AMDHD2: variants seen among roughly 807,000 people sequenced by gnomAD.
The protein encoded by AMDHD2 is amidohydrolase domain containing 2, also known as N-acetylglucosamine-6-phosphate deacetylase.
AMDHD2 carries 24 observed loss-of-function variants against 41.8 expected under a neutral mutation model. The observed-to-expected ratio is 0.57, with a 90% CI of 0.42 to 0.81. The LOEUF (loss-of-function observed/expected upper bound fraction) is 0.81. Ranked by LOEUF, AMDHD2 falls within the 30% of genes least tolerant of loss-of-function variation. The pLI, the probability that AMDHD2 is intolerant of heterozygous loss-of-function variation, is 0.00. For missense variants in AMDHD2, 540 were observed against 588.5 expected (o/e 0.92, Z 0.85); for synonymous variants, 332 against 255.5 (o/e 1.30, Z -2.85).
In AMDHD2 at chr16:2,530,633, T is replaced by C. The variant is rs2066078428; in HGVS notation, c.*1070T>C. 1.2e-6 allele frequency: 2 copies of C among 1,614,082 alleles called. No individual in the cohort carries two copies. The highest frequency in any genetic ancestry group is 1.1e-5 in the South Asian group (1 of 91,094). On this transcript the variant is annotated 3_prime_UTR_variant, in exon 11 of 11. Coordinates refer to ENST00000293971, the MANE Select transcript of AMDHD2 (RefSeq NM_001330449.2). ...CGCGCCTGGCTCTGCCACTGTTCTC[T>C]TCCCTCTGCTGCAAAGCCCAGTTAA...
Position 2,530,334 on chromosome 16 carries a change from C to G in AMDHD2, c.*771C>G. 1 of 1,614,154 alleles carries G rather than the reference C, an allele frequency of 6.2e-7. No homozygotes were observed. Among genetic ancestry groups the G allele is most frequent in the Non-Finnish European group, 8.5e-7 (1 of 1,180,014 alleles). On this transcript the variant is annotated 3_prime_UTR_variant, in exon 11 of 11. Coordinates refer to ENST00000293971, the MANE Select transcript of AMDHD2 (RefSeq NM_001330449.2). ...GGAGGCACCAGTGTGCCCTGCTCAC[C>G]CCATTAGTGTCATCCTGCCATCTTC...
Position 2,530,512 on chromosome 16 carries a change from C to T in AMDHD2, c.*949C>T. On this transcript the variant is annotated 3_prime_UTR_variant, in exon 11 of 11. Coordinates refer to ENST00000293971, the MANE Select transcript of AMDHD2 (RefSeq NM_001330449.2). ...GTCAGGGATTGGTGCAGCCCCACGT[C>T]AGGGGTGATTGTCTTGACTTTCTCT... 6.2e-7 allele frequency: 1 copy of T among 1,614,188 alleles called. No homozygotes were observed. Among genetic ancestry groups the T allele is most frequent in the Middle Eastern group, 1.6e-4 (1 of 6,062 alleles).
intron 9 of AMDHD2, 124 bp from the exon 10 acceptor site, chr16:2,528,870 G>C: frequency 6.7e-7 from 1 of 1,484,892 alleles, no homozygotes; most frequent in Non-Finnish European, 9.1e-7. Context: ...GTGACAGGCA[G>C]ACCAGCAGGG....
chr16:2,526,407 C>G (rs554776698), intron 3 of AMDHD2, among the ~76,000 whole-genome samples: 31 of 152,286 alleles, frequency 2.0e-4, no homozygotes, highest in Admixed American at 1.8e-3. Context: ...CCTTGCCAAT[C>G]TGCTCTACTT....
Position 2,520,977 on chromosome 16 carries a change from G to T in AMDHD2, c.221-7G>T. ...TCCATGCGACACTTCCTTTTCTGTG[G>T]CTGCAGGTGGATTTGGTGTTGACTT... On this transcript the variant is annotated splice_polypyrimidine_tract_variant and splice_region_variant and intron_variant, in intron 2 of 10. Transcript: ENST00000293971. 1 of 1,598,438 alleles carries T rather than the reference G, an allele frequency of 6.3e-7. No individual in the cohort carries two copies. Among genetic ancestry groups the T allele is most frequent in the South Asian group, 1.1e-5 (1 of 89,710 alleles).
At position 2,527,486 on chromosome 16, in the gene AMDHD2, C is replaced by A. The variant is rs1171408491; in HGVS notation, c.361-75C>A. ...TGGGCTCTGAACTCTGACCTGAGAT[C>A]TCTGGCCTTGGCTAGGCTGTGGCCT... On this transcript the variant is annotated intron_variant, in intron 3 of 10. Coordinates refer to ENST00000293971, the MANE Select transcript of AMDHD2 (RefSeq NM_001330449.2). This position sits in a 1 kb window ranked among gnomAD's most constrained non-coding sequence, Gnocchi z 6.1. 1.3e-6 allele frequency: 2 copies of A among 1,525,978 alleles called. No individual in the cohort carries two copies. Among genetic ancestry groups the A allele is most frequent in the African/African-American group, 1.4e-5 (1 of 73,440 alleles). The allele number at this position is 1,525,978 out of a possible 1,614,324, so 94.5% of individuals were successfully genotyped here.
In AMDHD2 at chr16:2,521,272, C is replaced by G. The variant is rs2065933246; in HGVS notation, c.360+149C>G. ...TTGATGACCGGATCTGGGCCTGGGTCCCGCCCCTGTGCTTCTTTATCAGTT... is the reference window on the plus strand; with the variant it reads ...TTGATGACCGGATCTGGGCCTGGGTGCCGCCCCTGTGCTTCTTTATCAGTT... On this transcript the variant is annotated intron_variant, in intron 3 of 10. Coordinates refer to ENST00000293971, the MANE Select transcript of AMDHD2 (RefSeq NM_001330449.2). 5 of 1,114,302 alleles carry G rather than the reference C, an allele frequency of 4.5e-6. No individual in the cohort carries two copies. In the South Asian group the frequency reaches 7.1e-5, roughly 16 times the overall value. 69.0% of individuals were successfully genotyped at this position (1,114,302 alleles called of 1,614,324 possible).
Position 2,531,223 on chromosome 16 carries a change from A to T in AMDHD2, c.*1660A>T, listed in dbSNP as rs1413141795. ...CACCTCCCTGGCTGGAGGGTCGGGGAGGGGCTGGCAGAGATGGTTGGTCCA... is the reference window on the plus strand; with the variant it reads ...CACCTCCCTGGCTGGAGGGTCGGGGTGGGGCTGGCAGAGATGGTTGGTCCA... On this transcript the variant is annotated 3_prime_UTR_variant, in exon 11 of 11. Transcript: ENST00000293971. The T allele has an allele frequency of 2.0e-6, 2 of 1,023,798 alleles. No homozygotes were observed. Among genetic ancestry groups the T allele is most frequent in the Non-Finnish European group, 2.8e-6 (2 of 710,268 alleles). The allele number at this position is 1,023,798 out of a possible 1,614,324, so 63.4% of individuals were successfully genotyped here.
Position 2,527,974 on chromosome 16 carries a change from G to C in AMDHD2, c.617G>C (p.Cys206Ser). ...VIRALTARGI[C>S]VSLGHSVADL... ...CGGGCGCTGACGGCCCGTGGCATCT[G>C]CGTGTCCCTAGGTGAGGGGCCGGCT... Residue 206 changes from cysteine to serine, a missense_variant, in exon 5 of 11, where the codon TGC becomes TCC. Coordinates refer to ENST00000293971, the MANE Select transcript of AMDHD2 (RefSeq NM_001330449.2). The surrounding 1 kb of genome is among the most constrained non-coding windows in gnomAD (Gnocchi z 6.1). The C allele has an allele frequency of 5.0e-6, 8 of 1,605,248 alleles. No homozygotes were observed. The highest frequency in any genetic ancestry group is 6.8e-6 in the Non-Finnish European group (8 of 1,178,810).
rs776652437 is a variant in AMDHD2 at position 2,530,565 on chromosome 16, C to T, written c.*1002C>T. ...ATTTGAGTTCTGGGGTGGGTGGCTCCCTTCCCCCTTGCTTACAGGTGCTGT... is the reference window on the plus strand; with the variant it reads ...ATTTGAGTTCTGGGGTGGGTGGCTCTCTTCCCCCTTGCTTACAGGTGCTGT... On this transcript the variant is annotated 3_prime_UTR_variant, in exon 11 of 11. Transcript: ENST00000293971. The T allele has an allele frequency of 8.7e-6, 14 of 1,614,192 alleles. No homozygotes were observed. The highest frequency in any genetic ancestry group is 1.2e-5 in the Non-Finnish European group (14 of 1,180,020).
Position 2,520,464 on chromosome 16 carries a change from C to T in AMDHD2, c.6C>T (p.Arg2=). 8.1e-7 allele frequency: 1 copy of T among 1,236,838 alleles called. No homozygotes were observed. The highest frequency in any genetic ancestry group is 1.6e-5 in the African/African-American group (1 of 63,892). 76.6% of individuals were successfully genotyped at this position (1,236,838 alleles called of 1,614,324 possible). The change falls in exon 1 of 11, where the codon CGC becomes CGT. Residue 2 remains arginine, a synonymous_variant. Coordinates refer to ENST00000293971, the MANE Select transcript of AMDHD2 (RefSeq NM_001330449.2). ...CGCTCCCGACACGGCTCACGATGCG[C>T]GGCGAGCAGGGCGCGGCGGGGGCCC... M[R]GEQGAAGARV...
At chr16:2,526,248 T>C (rs1007729272) in intron 3 of AMDHD2, among the ~76,000 whole-genome samples, 1 of 152,134 alleles carries the variant, frequency 6.6e-6, no homozygotes, top group African/African-American at 2.4e-5. Context: ...GGGGTACTCG[T>C]AGGTTGGGGT....
chr16:2,528,751 G>A, intron 9 of AMDHD2, 33 bp downstream of exon 9: 1 of 1,606,998 alleles, frequency 6.2e-7, no homozygotes, highest in Non-Finnish European at 8.5e-7. Flanking sequence ...GGTTTAGGTG[G>A]TCTGTGAGTG....
rs201110569 is a variant in AMDHD2 at position 2,521,045 on chromosome 16, G to A, written c.282G>A (p.Val94=). Residue 94 remains valine (V), a synonymous_variant, in exon 3 of 11, where the codon GTG becomes GTA. Transcript: ENST00000293971. ...ACGTGGGTTCGGGGGTTGCCCTCGT[G>A]GCCCGGAGGATCCTGTCGCACGGCG... ...TEDVGSGVAL[V]ARRILSHGVT... The A allele has an allele frequency of 1.2e-6, 2 of 1,611,310 alleles. No homozygotes were observed. The highest frequency in any genetic ancestry group is 2.2e-5 in the East Asian group (1 of 44,690).
At position 2,529,894 on chromosome 16, in the gene AMDHD2, G is replaced by A; in HGVS notation, c.*331G>A. 2 of 1,122,388 alleles carry A rather than the reference G, an allele frequency of 1.8e-6. No homozygotes were observed. The highest frequency in any genetic ancestry group is 1.8e-5 in the South Asian group (1 of 54,724). The allele number at this position is 1,122,388 out of a possible 1,614,324, so 69.5% of individuals were successfully genotyped here. A position where few individuals can be genotyped will look rare whatever the true frequency, so the allele number is the denominator to read the frequency against. On this transcript the variant is annotated 3_prime_UTR_variant, in exon 11 of 11. Transcript: ENST00000293971. ...GGGCCTGTCTGCATGAAGTGGACCG[G>A]AGACCTGCAGACCCCAGGAAAGTGT...
intron 3 of AMDHD2, among the ~76,000 whole-genome samples, chr16:2,526,529 G>A (rs942569412): frequency 2.0e-5 from 3 of 151,904 alleles, no homozygotes; most frequent in African/African-American, 4.8e-5. Context: ...CCCCCACTGC[G>A]TGCACTCCCC....
At position 2,531,252 on chromosome 16, in the gene AMDHD2, G is replaced by T; in HGVS notation, c.*1689G>T. On this transcript the variant is annotated 3_prime_UTR_variant, in exon 11 of 11. Coordinates refer to ENST00000293971, the MANE Select transcript of AMDHD2 (RefSeq NM_001330449.2). Reference sequence around the variant, plus strand: ...GCTGGCAGAGATGGTTGGTCCACAGGGCTAGCCCTGGGTGGTGGGAGAGGG... The same window carrying T: ...GCTGGCAGAGATGGTTGGTCCACAGTGCTAGCCCTGGGTGGTGGGAGAGGG... 3 of 766,236 alleles carry T rather than the reference G, an allele frequency of 3.9e-6. No homozygotes were observed. Among genetic ancestry groups the T allele is most frequent in the Non-Finnish European group, 4.2e-6 (2 of 478,486 alleles). The allele number at this position is 766,236 out of a possible 1,614,324, so 47.5% of individuals were successfully genotyped here.
Position 2,521,008 on chromosome 16 carries a change from A to C in AMDHD2, c.245A>C (p.Gln82Pro). 1.2e-6 allele frequency: 2 copies of C among 1,609,014 alleles called. No homozygotes were observed. The highest frequency in any genetic ancestry group is 1.7e-6 in the Non-Finnish European group (2 of 1,177,026). ...INGGFGVDFS[Q>P]ATEDVGSGVA... ...GGTGGATTTGGTGTTGACTTCTCTCAAGCCACGGAGGACGTGGGTTCGGGG... is the reference window on the plus strand; with the variant it reads ...GGTGGATTTGGTGTTGACTTCTCTCCAGCCACGGAGGACGTGGGTTCGGGG... The change falls in exon 3 of 11, where the codon CAA becomes CCA. Residue 82 changes from glutamine to proline, a missense_variant. Physicochemically the swap from Gln to Pro is moderately conservative, Grantham distance 76. Coordinates refer to ENST00000293971, the MANE Select transcript of AMDHD2 (RefSeq NM_001330449.2).
intron 10 of AMDHD2, 63 bp downstream of exon 10, chr16:2,529,158 G>C: frequency 6.9e-7 from 1 of 1,444,250 alleles, no homozygotes; most frequent in East Asian, 2.5e-5. Flanking sequence ...GTTGTTCCTG[G>C]GGCGGCCTGG....
Sources: allele counts gnomAD v4.1 joint callset (sites outside exome capture counted in the v4.1 genomes callset), GRCh38; gene constraint gnomAD v4.1.1; non-coding constraint Gnocchi (gnomAD v3.1); transcripts MANE v1.5; gene names NCBI Gene and HGNC (gene_info 2026-07-23, HGNC 2026-07-21).